Variants in ZNF707 observed in about 807,000 individuals in gnomAD.
The protein encoded by ZNF707 is zinc finger protein 707.
In ZNF707, 8 loss-of-function variants were observed where a neutral mutation model predicts 13.3. That is an observed-to-expected ratio of 0.60 (90% CI 0.35 to 1.09). ZNF707 has a LOEUF of 1.09. ZNF707 is among the 50% of genes least tolerant of loss of function. ZNF707 has a pLI of 0.02. For missense variants in ZNF707, 530 were observed against 512.6 expected, an observed-to-expected ratio of 1.03 and a Z score of -0.33; for synonymous variants, 225 against 205.6, an observed-to-expected ratio of 1.09 and a Z score of -0.81.
chr8:143,694,264 G>A lies in ZNF707; in HGVS notation c.850G>A (p.Gly284Arg). Reference protein sequence around the residue: ...NLLRHQLVHTGERPFYCADCG... With the variant: ...NLLRHQLVHTRERPFYCADCG... ...TCTCAGACACCAGCTGGTGCACACC[G>A]GGGAGCGGCCGTTCTACTGCGCGGA... The change falls in exon 6 of 6, where the codon GGG becomes AGG. Residue 284 changes from glycine to arginine, a missense_variant. By Grantham distance (125) the Gly-to-Arg change is moderately radical. Transcript: ENST00000358656. This position sits in a 1 kb window ranked among gnomAD's most constrained non-coding sequence, Gnocchi z 4.4. The A allele has an allele frequency of 1.3e-6, 2 of 1,592,960 alleles. No individual in the cohort carries two copies. The highest frequency in any genetic ancestry group is 1.3e-5 in the African/African-American group (1 of 74,452).
In ZNF707 at chr8:143,694,614, C is replaced by T. The variant is rs2131545348; in HGVS notation, c.*84C>T. On this transcript the variant is annotated 3_prime_UTR_variant, in exon 6 of 6. Transcript: ENST00000358656. The surrounding 1 kb of genome is among the most constrained non-coding windows in gnomAD (Gnocchi z 4.4). Reference sequence around the variant, plus strand: ...CTGCAGTGAGAAGTTGCTCTTCAGCCTGGAAAATCAACCTGAATTCAGAGA... The same window carrying T: ...CTGCAGTGAGAAGTTGCTCTTCAGCTTGGAAAATCAACCTGAATTCAGAGA... 7.1e-7 allele frequency: 1 copy of T among 1,409,180 alleles called. No homozygotes were observed. The highest frequency in any genetic ancestry group is 2.4e-5 in the East Asian group (1 of 41,008). The allele number at this position is 1,409,180 out of a possible 1,614,324, so 87.3% of individuals were successfully genotyped here. A position where few individuals can be genotyped will look rare whatever the true frequency, so the allele number is the denominator to read the frequency against.
rs782168752 is a variant in ZNF707, at chr8:143,693,806, GGCAGCTTCCCAGA to G, written c.395_407del (p.Gln132LeufsTer37). 3.7e-6 allele frequency: 6 copies of G among 1,612,734 alleles called. No homozygotes were observed. The African/African-American group carries it at 8.0e-5, about 22-fold the overall frequency. On this transcript the variant is annotated frameshift_variant, in exon 6 of 6. Coordinates refer to ENST00000358656, the MANE Select transcript of ZNF707 (RefSeq NM_001100598.2). LOFTEE classifies it low-confidence loss of function (END_TRUNC). This position sits in a 1 kb window ranked among gnomAD's most constrained non-coding sequence, Gnocchi z 4.1. Reference sequence around the variant, plus strand: ...GGCTTCAGGCTGGACACGGATGACGGGCAGCTTCCCAGAGCTGCTCCAGAAAGGACAGACGCCA... The same window carrying G: ...GGCTTCAGGCTGGACACGGATGACGGGCTGCTCCAGAAAGGACAGACGCCA...
intron 2 of ZNF707, 24 bp from the exon 3 acceptor site, chr8:143,690,033 C>T (rs565729061): frequency 3.9e-5 from 63 of 1,598,610 alleles, no homozygotes; most frequent in South Asian, 2.1e-4. Context: ...CGGCTATACC[C>T]GCTTACATTT....
At position 143,694,353 on chromosome 8, in the gene ZNF707, G is replaced by A. The variant is rs1817140864; in HGVS notation, c.939G>A (p.Glu313=). ...LSHHQRVHSG[E]KPYTCAECGK... is the part of the protein sequence containing the mutation. The stretch of plus-strand genomic sequence containing the variant: ...ACCACCAGAGGGTCCACAGCGGGGA[G>A]AAGCCCTACACCTGTGCCGAGTGCG... Residue 313 remains glutamate (E), a synonymous_variant, in exon 6 of 6, where the codon GAG becomes GAA. Coordinates refer to ENST00000358656, the MANE Select transcript of ZNF707 (RefSeq NM_001100598.2). This position sits in a 1 kb window ranked among gnomAD's most constrained non-coding sequence, Gnocchi z 4.4. The A allele has an allele frequency of 1.2e-6, 2 of 1,609,694 alleles. No individual in the cohort carries two copies. Among genetic ancestry groups the A allele is most frequent in the Non-Finnish European group, 1.7e-6 (2 of 1,177,852 alleles).
chr8:143,686,286 G>C (rs1816263380), intron 1 of ZNF707, among the ~76,000 whole-genome samples: 1 of 152,108 alleles, frequency 6.6e-6, no homozygotes, highest in Non-Finnish European at 1.5e-5. Flanking sequence ...TGGCCAGGCT[G>C]GTCTCGAACT....
At chr8:143,690,979 C>A in intron 3 of ZNF707, 94 bp from the exon 4 acceptor site, 3 of 1,494,388 alleles carry the variant, frequency 2.0e-6, no homozygotes, top group Non-Finnish European at 2.7e-6. Context: ...CAGTCCACCG[C>A]AGGGCCACTC....
chr8:143,693,960 G>A lies in ZNF707; in HGVS notation c.546G>A (p.Gly182=). 1 of 1,600,898 alleles carries A rather than the reference G, an allele frequency of 6.2e-7. No individual in the cohort carries two copies. The highest frequency in any genetic ancestry group is 8.5e-7 in the Non-Finnish European group (1 of 1,175,340). The change falls in exon 6 of 6, where the codon GGG becomes GGA. Residue 182 remains glycine, a synonymous_variant. Coordinates refer to ENST00000358656, the MANE Select transcript of ZNF707 (RefSeq NM_001100598.2). This position sits in a 1 kb window ranked among gnomAD's most constrained non-coding sequence, Gnocchi z 4.1. Reference sequence around the variant, plus strand: ...TGTCATTCATCTGCGGCACGTGCGGGAAGGCGCTCAGCTGCCACAGCCGGC... The same window carrying A: ...TGTCATTCATCTGCGGCACGTGCGGAAAGGCGCTCAGCTGCCACAGCCGGC... ...VELSFICGTC[G]KALSCHSRLL... is the part of the protein sequence containing the mutation.
chr8:143,691,199 GGTGAGCACGGGCTGAGCGCAGC>G lies in ZNF707; in HGVS notation c.142+9_142+30del, dbSNP rs782549932. 13 of 1,611,016 alleles carry G rather than the reference GGTGAGCACGGGCTGAGCGCAGC, an allele frequency of 8.1e-6. No homozygotes were observed. Among genetic ancestry groups the G allele is most frequent in the Non-Finnish European group, 1.1e-5 (13 of 1,178,122 alleles). On this transcript the variant is annotated splice_donor_variant and splice_donor_5th_base_variant and intron_variant, in intron 4 of 5. Coordinates refer to ENST00000358656, the MANE Select transcript of ZNF707 (RefSeq NM_001100598.2). LOFTEE classifies it high-confidence loss of function. Reference sequence around the variant, plus strand: ...CAACTTCAGCAGTGTGGCTGCTCTGGGTGAGCACGGGCTGAGCGCAGCGTGAGCACAGGGTGAGTGCTGGGAG... The same window carrying G: ...CAACTTCAGCAGTGTGGCTGCTCTGGGTGAGCACAGGGTGAGTGCTGGGAG...
intron 5 of ZNF707, chr8:143,692,272 G>A (rs1164821154): frequency 4.7e-6 from 6 of 1,289,806 alleles, no homozygotes; most frequent in Non-Finnish European, 6.1e-6. Context: ...ATGTGAACAC[G>A]AGCCCTGGGA....
At chr8:143,688,371 C>A (rs1396171162) in intron 1 of ZNF707, among the ~76,000 whole-genome samples, 1 of 152,136 alleles carries the variant, frequency 6.6e-6, no homozygotes, top group African/African-American at 2.4e-5. Context: ...TGTGTACCTG[C>A]TGTGCTGGAG....
chr8:143,687,886 A>G (rs1214469095), intron 1 of ZNF707: 2 of 152,064 alleles, frequency 1.3e-5, no homozygotes, highest in African/African-American at 4.8e-5. Context: ...AATTTTAACA[A>G]ATGCCTTTTC....
In ZNF707 at chr8:143,693,750, A is replaced by G. The variant is rs1587402512; in HGVS notation, c.336A>G (p.Glu112=). ...WAHKKTHVRR[E]RAREGSSFRK... Reference sequence around the variant, plus strand: ...ACAAGAAAACCCACGTGCGGCGAGAAAGAGCCAGGGAAGGAAGCAGCTTTA... The same window carrying G: ...ACAAGAAAACCCACGTGCGGCGAGAGAGAGCCAGGGAAGGAAGCAGCTTTA... Residue 112 remains glutamate (E), a synonymous_variant, in exon 6 of 6, where the codon GAA becomes GAG. Transcript: ENST00000358656. The surrounding 1 kb of genome is among the most constrained non-coding windows in gnomAD (Gnocchi z 4.1). 6.2e-7 allele frequency: 1 copy of G among 1,613,130 alleles called. No individual in the cohort carries two copies. Among genetic ancestry groups the G allele is most frequent in the East Asian group, 2.2e-5 (1 of 44,872 alleles).
chr8:143,694,125 C>T lies in ZNF707; in HGVS notation c.711C>T (p.Cys237=), dbSNP rs1386052571. 24 of 1,598,196 alleles carry T rather than the reference C, an allele frequency of 1.5e-5. No individual in the cohort carries two copies. Among genetic ancestry groups the T allele is most frequent in the East Asian group, 4.5e-5 (2 of 44,424 alleles). Residue 237 remains cysteine (C), a synonymous_variant, in exon 6 of 6, where the codon TGC becomes TGT. Transcript: ENST00000358656. This position sits in a 1 kb window ranked among gnomAD's most constrained non-coding sequence, Gnocchi z 4.4. ...TREKPFCCEA[C]GQAFSLKDRL... The stretch of plus-strand genomic sequence containing the variant: ...AGAAGCCCTTCTGCTGCGAGGCCTG[C>T]GGGCAGGCGTTCAGCCTGAAGGACC...
At chr8:143,691,877 C>A in intron 5 of ZNF707, 164 bp downstream of exon 5, 1 of 946,210 alleles carries the variant, frequency 1.1e-6, no homozygotes, top group South Asian at 1.5e-5. Context: ...TAGGGGCAGC[C>A]ACGCTCCTGC....
At position 143,693,734 on chromosome 8, in the gene ZNF707, C is replaced by T. The variant is rs1554614286; in HGVS notation, c.320C>T (p.Thr107Ile). ...CATCCAGCTTGGGCTCACAAGAAAA[C>T]CCACGTGCGGCGAGAAAGAGCCAGG... Reference protein sequence around the residue: ...CDHPAWAHKKTHVRRERAREG... With the variant: ...CDHPAWAHKKIHVRRERAREG... The change falls in exon 6 of 6, where the codon ACC (threonine) becomes ATC (isoleucine). Residue 107 changes from threonine to isoleucine, a missense_variant. Thr to Ile is a moderately conservative substitution (Grantham distance 89). Transcript: ENST00000358656. This position sits in a 1 kb window ranked among gnomAD's most constrained non-coding sequence, Gnocchi z 4.1. 3 of 1,612,480 alleles carry T rather than the reference C, an allele frequency of 1.9e-6. No homozygotes were observed. The highest frequency in any genetic ancestry group is 1.7e-5 in the Admixed American group (1 of 59,930).
Position 143,691,040 on chromosome 8 carries a change from G to A in ZNF707, c.16-33G>A, listed in dbSNP as rs782263572. 64 of 1,612,796 alleles carry A rather than the reference G, an allele frequency of 4.0e-5. No individual in the cohort carries two copies. In the South Asian group the frequency reaches 5.9e-4, roughly 15 times the overall value. On this transcript the variant is annotated intron_variant, in intron 3 of 5. Coordinates refer to ENST00000358656, the MANE Select transcript of ZNF707 (RefSeq NM_001100598.2). ...GTGGGCTGAGCCTTCTTTTTCTTGG[G>A]AATGGCCTCTTCGGGAGCTGTGTGT...
intron 3 of ZNF707, 184 bp from the exon 4 acceptor site, chr8:143,690,889 T>G (rs1554613368): frequency 2.7e-6 from 2 of 753,634 alleles, no homozygotes; most frequent in Non-Finnish European, 4.2e-6. Context: ...AACCTTAATC[T>G]CTTCCACAGA....
At chr8:143,688,967 T>G (rs533189559) in intron 1 of ZNF707, 1 of 152,502 alleles carries the variant, frequency 6.6e-6, no homozygotes, top group South Asian at 2.1e-4. Context: ...CTGGCCTCAT[T>G]AAGACAGACT....
In ZNF707 at chr8:143,691,228, A is replaced by G. The variant is rs782122597; in HGVS notation, c.142+29A>G. 17 of 1,592,390 alleles carry G rather than the reference A, an allele frequency of 1.1e-5. No homozygotes were observed. In the East Asian group the frequency reaches 1.3e-4, roughly 13 times the overall value. Reference sequence around the variant, plus strand: ...AGCACGGGCTGAGCGCAGCGTGAGCACAGGGTGAGTGCTGGGAGAGCTCTG... The same window carrying G: ...AGCACGGGCTGAGCGCAGCGTGAGCGCAGGGTGAGTGCTGGGAGAGCTCTG... On this transcript the variant is annotated intron_variant, in intron 4 of 5. Coordinates refer to ENST00000358656, the MANE Select transcript of ZNF707 (RefSeq NM_001100598.2).
Sources: allele counts gnomAD v4.1 joint callset (sites outside exome capture counted in the v4.1 genomes callset), GRCh38; gene constraint gnomAD v4.1.1; non-coding constraint Gnocchi (gnomAD v3.1); transcripts MANE v1.5; gene names NCBI Gene and HGNC (gene_info 2026-07-23, HGNC 2026-07-21).